FXN: variants seen among roughly 807,000 people sequenced by gnomAD.
The protein encoded by FXN is frataxin, mitochondrial.
A neutral mutation model predicts 22.4 loss-of-function variants in FXN; 14 were observed. That is an observed-to-expected ratio of 0.62 (90% CI 0.41 to 0.98). The LOEUF (loss-of-function observed/expected upper bound fraction) is 0.98, where lower values mean the gene tolerates loss of function less well. FXN is among the 50% of genes least tolerant of loss of function. The probability of loss-of-function intolerance (pLI) is 0.00; values close to 1 mark genes in which losing one functional copy is unlikely to be tolerated. For missense variants in FXN, 267 were observed against 268.4 expected (o/e 0.99, Z 0.04); for synonymous variants, 120 against 114.1 (o/e 1.05, Z -0.33).
intron 1 of FXN, among the ~76,000 whole-genome samples, chr9:69,042,720 A>G (rs915601836): frequency 5.3e-5 from 8 of 152,150 alleles, no homozygotes; most frequent in African/African-American, 1.9e-4. Flanking sequence ...AAAAACAGCT[A>G]TTGTGAAGGT....
At chr9:69,067,843 G>A (rs1832199550) in intron 4 of FXN, among the ~76,000 whole-genome samples, 1 of 152,186 alleles carries the variant, frequency 6.6e-6, no homozygotes, top group Admixed American at 6.5e-5. Flanking sequence ...TTTAAAGCAA[G>A]AAGGGTCTTT....
chr9:69,063,391 A>C (rs1172561508), intron 3 of FXN, among the ~76,000 whole-genome samples: 1 of 152,142 alleles, frequency 6.6e-6, no homozygotes, highest in Non-Finnish European at 1.5e-5. Context: ...TCATCTGTGA[A>C]ACTGGAATAA....
intron 1 of FXN, among the ~76,000 whole-genome samples, chr9:69,045,608 A>C (rs1831738046): frequency 6.6e-6 from 1 of 151,928 alleles, no homozygotes; most frequent in Non-Finnish European, 1.5e-5. Flanking sequence ...CAAAAAACAA[A>C]AACCAAAAAA....
chr9:69,059,391 CTTTTTTTTTT>C (rs35159671), intron 3 of FXN, among the ~76,000 whole-genome samples: 897 of 63,004 alleles, frequency 0.014, 28 homozygotes, highest in Middle Eastern at 0.024. Flanking sequence ...GAGGCAGCAT[CTTTTTTTTTT>C]TTTTTTTTTT....
At chr9:69,039,255 CAA>C (rs57602725) in intron 1 of FXN, among the ~76,000 whole-genome samples, 16 of 90,422 alleles carry the variant, frequency 1.8e-4, no homozygotes, top group Non-Finnish European at 2.1e-4. Context: ...GACTCCGTCT[CAA>C]AAAAAAAAAA....
Position 69,073,026 on chromosome 9 carries a change from G to A in FXN, c.*264G>A, listed in dbSNP as rs1832302347. Reference sequence around the variant, plus strand: ...CATGATACCCCTTATCTTTTATAATGTCTTATGCCTATACCTGAATATAAC... The same window carrying A: ...CATGATACCCCTTATCTTTTATAATATCTTATGCCTATACCTGAATATAAC... On this transcript the variant is annotated 3_prime_UTR_variant, in exon 5 of 5. Transcript: ENST00000484259. 7.2e-7 allele frequency: 1 copy of A among 1,381,624 alleles called. No homozygotes were observed. Among genetic ancestry groups the A allele is most frequent in the South Asian group, 1.6e-5 (1 of 63,234 alleles). 85.6% of individuals were successfully genotyped at this position (1,381,624 alleles called of 1,614,324 possible). A position where few individuals can be genotyped will look rare whatever the true frequency, so the allele number is the denominator to read the frequency against.
chr9:69,072,612 T>C lies in FXN; in HGVS notation c.483T>C (p.Ser161=), dbSNP rs1374769764. The change falls in exon 5 of 5, where the codon AGT becomes AGC. Residue 161 remains serine, a splice_region_variant and synonymous_variant. Coordinates refer to ENST00000484259, the MANE Select transcript of FXN (RefSeq NM_000144.5). ...ACTATGCATTTGTTTTGTCTTCCAG[T>C]GGACCTAAGCGTTATGACTGGACTG... is the stretch of plus-strand genomic sequence containing the variant. The part of the protein sequence containing the change: ...NKQIWLSSPS[S]GPKRYDWTGK... 3.1e-6 allele frequency: 5 copies of C among 1,614,054 alleles called. No homozygotes were observed. The highest frequency in any genetic ancestry group is 1.6e-4 in the Middle Eastern group (1 of 6,082).
At chr9:69,065,540 C>CAAAAAA (rs34769489) in intron 4 of FXN, among the ~76,000 whole-genome samples, 2 of 140,750 alleles carry the variant, frequency 1.4e-5, no homozygotes, top group East Asian at 2.1e-4. Context: ...GACCCTGTCC[C>CAAAAAA]AAAAAAAAAA....
chr9:69,061,734 T>A (rs1832078381), intron 3 of FXN, among the ~76,000 whole-genome samples: 2 of 148,822 alleles, frequency 1.3e-5, no homozygotes, highest in Admixed American at 6.7e-5. Flanking sequence ...TGACCATGTG[T>A]TCTCATTGTT....
intron 3 of FXN, among the ~76,000 whole-genome samples, chr9:69,059,547 G>C (rs575570199): frequency 1.3e-3 from 194 of 144,148 alleles, no homozygotes; most frequent in African/African-American, 4.4e-3. Context: ...TTACAGGCGC[G>C]TGCCACTATG....
Position 69,076,724 on chromosome 9 carries a change from C to T in FXN, c.*3962C>T. 1.0e-6 allele frequency: 1 copy of T among 985,402 alleles called. No individual in the cohort carries two copies. The highest frequency in any genetic ancestry group is 4.7e-5 in the South Asian group (1 of 21,288). 61.0% of individuals were successfully genotyped at this position (985,402 alleles called of 1,614,324 possible). ...AAAATCGCTTTACGCTTCCAAGGTA[C>T]ACACTAAGATGAAAGTAATTTTAGT... On this transcript the variant is annotated 3_prime_UTR_variant, in exon 5 of 5. Transcript: ENST00000484259.
At chr9:69,072,354 G>A (rs961049772) in intron 4 of FXN, among the ~76,000 whole-genome samples, 2 of 152,218 alleles carry the variant, frequency 1.3e-5, no homozygotes, top group East Asian at 3.8e-4. Flanking sequence ...GGAGATCAAA[G>A]TGTGATACCT....
rs1313671451 is a variant in FXN at position 69,078,130 on chromosome 9, A to G, written c.*5368A>G. 1.0e-6 allele frequency: 1 copy of G among 985,362 alleles called. No homozygotes were observed. Among genetic ancestry groups the G allele is most frequent in the Non-Finnish European group, 1.2e-6 (1 of 829,946 alleles). 61.0% of individuals were successfully genotyped at this position (985,362 alleles called of 1,614,324 possible). A position where few individuals can be genotyped will look rare whatever the true frequency, so the allele number is the denominator to read the frequency against. On this transcript the variant is annotated 3_prime_UTR_variant, in exon 5 of 5. Coordinates refer to ENST00000484259, the MANE Select transcript of FXN (RefSeq NM_000144.5). ...TAAATCCCTCCAAAGCTCAAAAGTA[A>G]TAGAAACAGATGAGTTTGGAGTCAG...
chr9:69,068,053 G>C (rs914802328), intron 4 of FXN, among the ~76,000 whole-genome samples: 64 of 151,728 alleles, frequency 4.2e-4, no homozygotes, highest in African/African-American at 1.5e-3. Flanking sequence ...TCTAGCAAGG[G>C]AGACAGACTC....
chr9:69,043,883 C>T (rs1831701282), intron 1 of FXN, among the ~76,000 whole-genome samples: 1 of 152,104 alleles, frequency 6.6e-6, no homozygotes, highest in South Asian at 2.1e-4. Flanking sequence ...AATGCCCGGC[C>T]TCATGTTTTT....
At chr9:69,065,189 A>T in intron 4 of FXN, 154 bp downstream of exon 4, 1 of 691,180 alleles carries the variant, frequency 1.4e-6, no homozygotes, top group Non-Finnish European at 2.6e-6. Flanking sequence ...TCACTTGAGG[A>T]CAGGAGTTCA....
chr9:69,077,860 G>T lies in FXN; in HGVS notation c.*5098G>T. ...CAGGAGAATTGCTTGAACCTGGGTG[G>T]TGGAGGTTGCAGTGAGCCGAGATTA... On this transcript the variant is annotated 3_prime_UTR_variant, in exon 5 of 5. Transcript: ENST00000484259. The T allele has an allele frequency of 3.9e-6, 3 of 778,024 alleles. No individual in the cohort carries two copies. Among genetic ancestry groups the T allele is most frequent in the Non-Finnish European group, 4.7e-6 (3 of 641,680 alleles). The allele number at this position is 778,024 out of a possible 1,614,324, so 48.2% of individuals were successfully genotyped here. A position where few individuals can be genotyped will look rare whatever the true frequency, so the allele number is the denominator to read the frequency against.
chr9:69,069,744 C>T (rs1832239394), intron 4 of FXN, among the ~76,000 whole-genome samples: 1 of 152,238 alleles, frequency 6.6e-6, no homozygotes, highest in South Asian at 2.1e-4. Flanking sequence ...TCTGCCTGAA[C>T]TGCACCAAAA....
intron 1 of FXN, among the ~76,000 whole-genome samples, chr9:69,042,016 G>A (rs1831666444): frequency 1.3e-5 from 2 of 152,158 alleles, no homozygotes; most frequent in Admixed American, 6.5e-5. Context: ...GCCAAGGTGG[G>A]TGGATCATGA....
Sources: allele counts gnomAD v4.1 joint callset (sites outside exome capture counted in the v4.1 genomes callset), GRCh38; gene constraint gnomAD v4.1.1; transcripts MANE v1.5; gene names NCBI Gene and HGNC (gene_info 2026-07-23, HGNC 2026-07-21).